LHFPL3: variants seen among roughly 807,000 people sequenced by gnomAD.
LHFPL3 encodes the protein LHFPL tetraspan subfamily member 3, also known as LHFPL tetraspan subfamily member 3 protein.
In LHFPL3, 5 loss-of-function variants were observed where a neutral mutation model predicts 19.3. That is an observed-to-expected ratio of 0.26 (90% CI 0.14 to 0.54). The LOEUF (loss-of-function observed/expected upper bound fraction) is 0.54. LHFPL3 is among the 20% of genes least tolerant of loss of function. The probability of loss-of-function intolerance (pLI) is 0.94; values close to 1 mark genes in which losing one functional copy is unlikely to be tolerated. For missense variants in LHFPL3, 249 were observed against 307.4 expected, an observed-to-expected ratio of 0.81 and a Z score of 1.42; for synonymous variants, 133 against 126.2, an observed-to-expected ratio of 1.05 and a Z score of -0.36.
rs150458006 is a variant in LHFPL3, at chr7:104,726,834, T to C, written c.446-9841T>C. On this transcript the variant is annotated intron_variant, in intron 1 of 2. Coordinates refer to ENST00000424859, the MANE Select transcript of LHFPL3 (RefSeq NM_199000.3). ...TTATAATACAATGATTTATATTCCT[T>C]TGGGTATATATCCAGTAATGGGATT... Among the ~76,000 whole-genome samples the C allele has an allele frequency of 4.0e-3, 616 of 152,322 alleles. 3 individuals are homozygous for C. Among genetic ancestry groups the C allele is most frequent in the African/African-American group, 0.014 (566 of 41,570 alleles).
At chr7:104,588,609 T>C in intron 1 of LHFPL3, among the ~76,000 whole-genome samples, 1 of 152,214 alleles carries the variant, frequency 6.6e-6, no homozygotes, top group Admixed American at 6.5e-5. Flanking sequence ...GGCTCTTTTT[T>C]GGTTCCATAT....
intron 1 of LHFPL3, among the ~76,000 whole-genome samples, chr7:104,348,201 G>T (rs756396042): frequency 6.6e-6 from 1 of 152,130 alleles, no homozygotes; most frequent in Non-Finnish European, 1.5e-5. Flanking sequence ...CCTGGCCAAC[G>T]TGGTGAAACC....
intron 2 of LHFPL3, among the ~76,000 whole-genome samples, chr7:104,808,633 T>C (rs1790411730): frequency 6.6e-6 from 1 of 152,212 alleles, no homozygotes; most frequent in African/African-American, 2.4e-5. Context: ...GGAGTTTGGA[T>C]ATTGAGAGGT....
intron 1 of LHFPL3, among the ~76,000 whole-genome samples, chr7:104,609,076 C>A (rs1427447505): frequency 1.3e-5 from 2 of 151,874 alleles, no homozygotes; most frequent in Non-Finnish European, 2.9e-5. Flanking sequence ...ACCAGCCTGA[C>A]CAACATGGTG....
At chr7:104,703,352 C>CA (rs879614694) in intron 1 of LHFPL3, among the ~76,000 whole-genome samples, 4 of 152,014 alleles carry the variant, frequency 2.6e-5, no homozygotes, top group Non-Finnish European at 4.4e-5. Context: ...TAACAAATTT[C>CA]AAAAAAAGTT....
At chr7:104,717,555 T>C (rs763361552) in intron 1 of LHFPL3, among the ~76,000 whole-genome samples, 2 of 152,168 alleles carry the variant, frequency 1.3e-5, no homozygotes, top group Non-Finnish European at 2.9e-5. Context: ...TATAAAAATA[T>C]GCCCAATGTC....
At chr7:104,526,193 A>G (rs752595473) in intron 1 of LHFPL3, among the ~76,000 whole-genome samples, 13 of 152,210 alleles carry the variant, frequency 8.5e-5, no homozygotes, top group Non-Finnish European at 1.6e-4. Flanking sequence ...TCAGATTTGC[A>G]GGAACTACCA....
At position 104,669,593 on chromosome 7, in the gene LHFPL3, C is replaced by T. The variant is rs529861946; in HGVS notation, c.446-67082C>T. 5 of 1,610,134 alleles carry T rather than the reference C, an allele frequency of 3.1e-6. No individual in the cohort carries two copies. In the African/African-American group the frequency reaches 6.7e-5, roughly 21 times the overall value. ...GCCAAATAGACCTCTACATCCTGTGCTTTTCTCCTAGTTTCTCTCCACCCT... is the reference window on the plus strand; with the variant it reads ...GCCAAATAGACCTCTACATCCTGTGTTTTTCTCCTAGTTTCTCTCCACCCT... On this transcript the variant is annotated intron_variant, in intron 1 of 2. Transcript: ENST00000424859.
chr7:104,896,358 G>A (rs767497196), intron 2 of LHFPL3, among the ~76,000 whole-genome samples: 3 of 152,174 alleles, frequency 2.0e-5, no homozygotes, highest in Non-Finnish European at 4.4e-5. Context: ...GCCCAATCTT[G>A]CCTGATCTCA....
chr7:104,431,991 G>C (rs1792012651), intron 1 of LHFPL3, among the ~76,000 whole-genome samples: 1 of 152,152 alleles, frequency 6.6e-6, no homozygotes, highest in South Asian at 2.1e-4. Context: ...ACCCCACTGG[G>C]CTTTGGGCTG....
intron 1 of LHFPL3, among the ~76,000 whole-genome samples, chr7:104,413,083 T>G (rs1473062056): frequency 6.6e-6 from 1 of 152,144 alleles, no homozygotes; most frequent in Non-Finnish European, 1.5e-5. Flanking sequence ...CAGCTGCTGG[T>G]CTCTTTTCAA....
chr7:104,518,711 G>A (rs557437315), intron 1 of LHFPL3, among the ~76,000 whole-genome samples: 1 of 152,260 alleles, frequency 6.6e-6, no homozygotes, highest in Non-Finnish European at 1.5e-5. Flanking sequence ...TTGAACATGG[G>A]AGGTGGAGGT....
At chr7:104,788,511 T>C (rs1363997319) in intron 2 of LHFPL3, among the ~76,000 whole-genome samples, 2 of 152,212 alleles carry the variant, frequency 1.3e-5, no homozygotes, top group Admixed American at 6.5e-5. Flanking sequence ...TGGAAAAGTA[T>C]GTAGTGGCCT....
intron 1 of LHFPL3, among the ~76,000 whole-genome samples, chr7:104,612,168 A>G (rs1791224178): frequency 6.6e-6 from 1 of 152,216 alleles, no homozygotes; most frequent in Admixed American, 6.5e-5. Flanking sequence ...AGAGATTAAG[A>G]ACATAGACAT....
chr7:104,658,628 C>T (rs73413781), intron 1 of LHFPL3, among the ~76,000 whole-genome samples: 3,143 of 152,158 alleles, frequency 0.021, 117 homozygotes, highest in African/African-American at 0.07. Flanking sequence ...TGGTGAAACC[C>T]CGTCTCTACT....
At chr7:104,691,427 T>A (rs899130314) in intron 1 of LHFPL3, among the ~76,000 whole-genome samples, 2 of 152,346 alleles carry the variant, frequency 1.3e-5, no homozygotes, top group South Asian at 4.1e-4. Context: ...CTGCATGATA[T>A]GCAGGCACAA....
At chr7:104,843,074 T>G (rs1791243902) in intron 2 of LHFPL3, among the ~76,000 whole-genome samples, 2 of 152,132 alleles carry the variant, frequency 1.3e-5, no homozygotes. Flanking sequence ...CAAATGAAGC[T>G]GCCATTCCTG....
chr7:104,527,581 G>C (rs1304683151), intron 1 of LHFPL3, among the ~76,000 whole-genome samples: 9 of 152,110 alleles, frequency 5.9e-5, no homozygotes, highest in Admixed American at 5.2e-4. Flanking sequence ...CTTCAAATTG[G>C]ACAATAGGTC....
intron 1 of LHFPL3, among the ~76,000 whole-genome samples, chr7:104,670,173 T>C (rs1435256271): frequency 6.6e-6 from 1 of 150,798 alleles, no homozygotes; most frequent in Admixed American, 6.6e-5. Flanking sequence ...AGGGGGTTAG[T>C]TGGGAGTGAG....
Sources: allele counts gnomAD v4.1 joint callset (sites outside exome capture counted in the v4.1 genomes callset), GRCh38; gene constraint gnomAD v4.1.1; transcripts MANE v1.5; gene names NCBI Gene and HGNC (gene_info 2026-07-23, HGNC 2026-07-21).